Variants in TENM4 observed in about 807,000 individuals in gnomAD.
The protein encoded by TENM4 is teneurin-4.
Under a neutral mutation model 243.3 loss-of-function variants are expected in TENM4, and 82 were observed. That is an observed-to-expected ratio of 0.34 (90% CI 0.28 to 0.40). The LOEUF (loss-of-function observed/expected upper bound fraction) is 0.40, where lower values mean the gene tolerates loss of function less well. Ranked by LOEUF, TENM4 falls within the 10% of genes least tolerant of loss-of-function variation. The probability of loss-of-function intolerance (pLI) is 1.00; values close to 1 mark genes in which losing one functional copy is unlikely to be tolerated. For synonymous variants in TENM4, 1,412 were observed against 1,456.3 expected (o/e 0.97, Z 0.69); for missense variants, 3,138 against 3,673.3 (o/e 0.85, Z 3.77).
intron 15 of TENM4, among the ~76,000 whole-genome samples, chr11:78,795,207 G>A (rs1218882492): frequency 1.3e-5 from 2 of 152,062 alleles, no homozygotes. Context: ...GCACTTTTAC[G>A]TGGATCTCCC....
chr11:79,207,178 G>A (rs1350292587), intron 3 of TENM4, among the ~76,000 whole-genome samples: 1 of 152,182 alleles, frequency 6.6e-6, no homozygotes, highest in African/African-American at 2.4e-5. Flanking sequence ...CTGGGAGAAT[G>A]AGCAGGAGTT....
At chr11:79,048,511 C>T (rs987173358) in intron 6 of TENM4, among the ~76,000 whole-genome samples, 5 of 152,286 alleles carry the variant, frequency 3.3e-5, no homozygotes, top group African/African-American at 1.2e-4. Flanking sequence ...CAATCCTGCA[C>T]ATCCTTTCTA....
At chr11:78,965,333 T>A (rs1857415658) in intron 6 of TENM4, among the ~76,000 whole-genome samples, 1 of 151,926 alleles carries the variant, frequency 6.6e-6, no homozygotes, top group Admixed American at 6.6e-5. Flanking sequence ...CATTCATGAC[T>A]CCCCCTACGG....
At chr11:79,087,451 C>G (rs1216173304) in intron 4 of TENM4, among the ~76,000 whole-genome samples, 3 of 152,230 alleles carry the variant, frequency 2.0e-5, no homozygotes, top group African/African-American at 4.8e-5. Context: ...AAACATGCTG[C>G]ATGGGAATCC....
chr11:78,874,700 T>C (rs1355469778), intron 9 of TENM4, among the ~76,000 whole-genome samples: 1 of 152,200 alleles, frequency 6.6e-6, no homozygotes, highest in Non-Finnish European at 1.5e-5. Flanking sequence ...TGGAATCAAG[T>C]GTGTGCTTAT....
At chr11:78,968,119 C>T (rs1857473095) in intron 6 of TENM4, among the ~76,000 whole-genome samples, 1 of 152,174 alleles carries the variant, frequency 6.6e-6, no homozygotes, top group Non-Finnish European at 1.5e-5. Context: ...TCTGGGACCT[C>T]TCTCCTCTCT....
rs76620679 is a variant in TENM4, at chr11:78,700,326, C to T, written c.5087+1200G>A. 9.7e-3 allele frequency among the ~76,000 whole-genome samples: 1,478 copies of T among 152,324 alleles called. 30 individuals carry two copies. The highest frequency in any genetic ancestry group is 0.034 in the African/African-American group (1,428 of 41,576). On this transcript the variant is annotated intron_variant, in intron 28 of 33. Transcript: ENST00000278550. ...TCCCTGTTCTGCCATGTCTCACTAT[C>T]AAACAGTGGGCAAAGGAGCCTTCAG... is the stretch of plus-strand genomic sequence containing the variant.
At chr11:79,129,158 C>A (rs145422149) in intron 4 of TENM4, among the ~76,000 whole-genome samples, 1 of 152,268 alleles carries the variant, frequency 6.6e-6, no homozygotes, top group East Asian at 1.9e-4. Context: ...TGGAACTAAG[C>A]CAATTTAGAG....
chr11:79,196,774 C>A (rs1370919435), intron 3 of TENM4, among the ~76,000 whole-genome samples: 3 of 152,130 alleles, frequency 2.0e-5, no homozygotes, highest in Non-Finnish European at 4.4e-5. Context: ...AGGCTGGAAG[C>A]CTCATTTTCT....
chr11:79,304,114 G>A (rs1221091118), intron 1 of TENM4, among the ~76,000 whole-genome samples: 7 of 152,146 alleles, frequency 4.6e-5, no homozygotes, highest in African/African-American at 1.4e-4. Flanking sequence ...GGCTTCCACT[G>A]GGTGTCTCAC....
chr11:78,903,357 G>A lies in TENM4; in HGVS notation c.660C>T (p.Leu220=), dbSNP rs1243944860. 4.4e-5 allele frequency: 66 copies of A among 1,493,604 alleles called. No individual in the cohort carries two copies. The highest frequency in any genetic ancestry group is 5.7e-5 in the Non-Finnish European group (64 of 1,122,280). 92.5% of individuals were successfully genotyped at this position (1,493,604 alleles called of 1,614,324 possible). Residue 220 remains leucine, a synonymous_variant, in exon 7 of 34, where the codon CTC becomes CTT. Coordinates refer to ENST00000278550, the MANE Select transcript of TENM4 (RefSeq NM_001098816.3). ...CGCCGCCGGCAGGGGGCTCTCCGGA[G>A]AGCGAGTGGTCCGTGGGGGCCGGGC... The part of the protein sequence containing the change: ...NPSPAPTDHS[L]SGEPPAGGAQ...
At chr11:79,099,886 GT>G (rs1295778802) in intron 4 of TENM4, among the ~76,000 whole-genome samples, 2 of 152,208 alleles carry the variant, frequency 1.3e-5, no homozygotes, top group African/African-American at 4.8e-5. Context: ...GCCCATGGGG[GT>G]TTTAACAGCT....
At chr11:78,787,490 G>A (rs1856965323) in intron 15 of TENM4, among the ~76,000 whole-genome samples, 1 of 152,188 alleles carries the variant, frequency 6.6e-6, no homozygotes, top group Non-Finnish European at 1.5e-5. Context: ...AACCAGTTAT[G>A]TGTGAAAACA....
intron 12 of TENM4, among the ~76,000 whole-genome samples, chr11:78,823,335 C>T (rs1857778666): frequency 2.0e-5 from 3 of 152,232 alleles, no homozygotes; most frequent in South Asian, 2.1e-4. Flanking sequence ...TGATTGGACC[C>T]GGCTGAGCAC....
intron 3 of TENM4, among the ~76,000 whole-genome samples, chr11:79,158,667 A>T (rs978534103): frequency 6.6e-6 from 1 of 152,238 alleles, no homozygotes; most frequent in Non-Finnish European, 1.5e-5. Context: ...TTCTACACAC[A>T]CTGTCACATT....
chr11:79,256,241 C>G (rs749081671), intron 2 of TENM4, among the ~76,000 whole-genome samples: 1 of 152,214 alleles, frequency 6.6e-6, no homozygotes, highest in East Asian at 1.9e-4. Flanking sequence ...TGGGTAGTAA[C>G]AGTTTCCTGG....
At chr11:78,784,468 GAGA>G (rs1364078855) in intron 16 of TENM4, among the ~76,000 whole-genome samples, 1 of 152,170 alleles carries the variant, frequency 6.6e-6, no homozygotes, top group Non-Finnish European at 1.5e-5. Context: ...GACCCACAGA[GAGA>G]AGGTTACCAT....
chr11:79,237,676 C>CA (rs1283143242), intron 2 of TENM4, among the ~76,000 whole-genome samples: 6 of 151,886 alleles, frequency 4.0e-5, no homozygotes, highest in Non-Finnish European at 7.4e-5. Flanking sequence ...GACTCCGTCT[C>CA]AAAAAAATAA....
At chr11:79,407,237 G>A (rs1237589817) in intron 1 of TENM4, among the ~76,000 whole-genome samples, 1 of 152,182 alleles carries the variant, frequency 6.6e-6, no homozygotes, top group Non-Finnish European at 1.5e-5. Context: ...TCAAACATAA[G>A]AATGGCAGGA....
Sources: gnomAD v4.1 joint callset for allele counts (sites outside exome capture counted in the v4.1 genomes callset) on GRCh38, gnomAD v4.1.1 for gene constraint, MANE v1.5 for transcripts, NCBI Gene and HGNC (gene_info 2026-07-23, HGNC 2026-07-21) for gene names.